The following FBLIM1 variants were observed in gnomAD, a reference collection of about 807,000 sequenced individuals.
The protein encoded by FBLIM1 is filamin binding LIM protein 1.
In FBLIM1, 29 loss-of-function variants were observed where a neutral mutation model predicts 37.4. That is an observed-to-expected ratio of 0.77 (90% CI 0.58 to 1.06). FBLIM1 has a LOEUF of 1.06. Among genes scored for constraint, FBLIM1 ranks in the 50% least tolerant of loss-of-function variants. The pLI is 0.00. For synonymous variants in FBLIM1, 193 were observed against 199.0 expected (o/e 0.97, Z 0.25); for missense variants, 449 against 505.6 (o/e 0.89, Z 1.07).
At chr1:15,783,829 G>A (rs11799513) in intron 8 of FBLIM1, among the ~76,000 whole-genome samples, 32,566 of 151,844 alleles carry the variant, frequency 0.21, 4,309 homozygotes, top group African/African-American at 0.37. Context: ...TGATCCGCCC[G>A]CCTCAGCCTC....
intron 8 of FBLIM1, among the ~76,000 whole-genome samples, chr1:15,780,087 C>T (rs990119834): frequency 4.6e-5 from 7 of 151,866 alleles, no homozygotes; most frequent in African/African-American, 1.7e-4. Flanking sequence ...GACTTCTCTA[C>T]AAAAATTTGC....
At chr1:15,775,082 T>C (rs2069432273) in intron 7 of FBLIM1, 2 of 567,706 alleles carry the variant, frequency 3.5e-6, no homozygotes, top group Non-Finnish European at 6.0e-6. Flanking sequence ...TAGCCAGGCA[T>C]GGTGGCGGGC....
rs2069761556 is a variant in FBLIM1, at chr1:15,786,110, G to C, written c.*1449G>C. On this transcript the variant is annotated 3_prime_UTR_variant, in exon 9 of 9. Transcript: ENST00000375766. ...CCTCAAGTCCTACTTGGGCCCTGCA[G>C]CCCAGCCTGTGTTGTAACCTCTGCG... 6.6e-6 allele frequency: 1 copy of C among 152,272 alleles called. No homozygotes were observed. The highest frequency in any genetic ancestry group is 1.5e-5 in the Non-Finnish European group (1 of 68,082). 9.4% of individuals were successfully genotyped at this position (152,272 alleles called of 1,614,324 possible).
At chr1:15,758,536 C>A (rs992889270), upstream of FBLIM1, 3 of 152,156 alleles carry the variant, frequency 2.0e-5, no homozygotes, top group South Asian at 4.1e-4. The surrounding 1 kb of genome is among the most constrained non-coding windows in gnomAD (Gnocchi z 6.2). Flanking sequence ...CCCATTCCCC[C>A]CCATTCCCAC....
chr1:15,776,849 CA>C (rs1394662739), intron 7 of FBLIM1, among the ~76,000 whole-genome samples: 3 of 30,598 alleles, frequency 9.8e-5, no homozygotes, highest in African/African-American at 1.4e-4. Context: ...GTGACAAGAG[CA>C]AAAAAAACTC....
intron 7 of FBLIM1, among the ~76,000 whole-genome samples, chr1:15,776,512 A>G (rs532625949): frequency 6.6e-6 from 1 of 152,060 alleles, no homozygotes; most frequent in Non-Finnish European, 1.5e-5. Flanking sequence ...GCTGGACTCA[A>G]TCCCTGCCCA....
upstream of FBLIM1, chr1:15,758,377 G>A (rs1215556527): frequency 6.6e-6 from 1 of 152,212 alleles, no homozygotes; most frequent in African/African-American, 2.4e-5. This position sits in a 1 kb window ranked among gnomAD's most constrained non-coding sequence, Gnocchi z 6.2. Flanking sequence ...TGCCAACCCA[G>A]GAGAGCGAGG....
intron 8 of FBLIM1, among the ~76,000 whole-genome samples, chr1:15,779,296 T>A (rs1283087303): frequency 6.6e-6 from 1 of 151,990 alleles, no homozygotes; most frequent in Non-Finnish European, 1.5e-5. Flanking sequence ...AAATTGTTTT[T>A]ATTAAATTTT....
intron 7 of FBLIM1, among the ~76,000 whole-genome samples, chr1:15,776,000 A>T (rs963138900): frequency 3.9e-5 from 6 of 152,160 alleles, no homozygotes; most frequent in African/African-American, 1.2e-4. Flanking sequence ...CCTTGGGGAG[A>T]AAAAGGAACA....
At chr1:15,764,367 T>C (rs1288762361) in intron 1 of FBLIM1, 129 bp from the exon 2 acceptor site, 1 of 152,764 alleles carries the variant, frequency 6.5e-6, no homozygotes, top group African/African-American at 2.4e-5. Context: ...AGTTAATGAG[T>C]ATAACATGCT....
chr1:15,768,606 C>A lies in FBLIM1; in HGVS notation c.517C>A (p.Pro173Thr). 6.2e-7 allele frequency: 1 copy of A among 1,612,106 alleles called. No homozygotes were observed. The highest frequency in any genetic ancestry group is 8.5e-7 in the Non-Finnish European group (1 of 1,179,520). Residue 173 changes from proline (P) to threonine (T), a missense_variant, in exon 5 of 9, where the codon CCT becomes ACT. Coordinates refer to ENST00000375766, the MANE Select transcript of FBLIM1 (RefSeq NM_017556.4). ...AGAGCTGCCACCTCCCCCGGCAGAA[C>A]CTGTTGAGAAAGGGGCATCCACAGG... ...EEELPPPPAE[P>T]VEKGASTDIC...
Position 15,777,091 on chromosome 1 carries a change from C to T in FBLIM1, c.891-79C>T, listed in dbSNP as rs2069516339. On this transcript the variant is annotated intron_variant, in intron 7 of 8. Transcript: ENST00000375766. ...AATTGCTCAGGAGGTGAACACCAGC[C>T]AGCCCGAGTTCTGACAGCTAATTAA... The T allele has an allele frequency of 2.6e-6, 3 of 1,162,582 alleles. No individual in the cohort carries two copies. In the Admixed American group the frequency reaches 5.9e-5, roughly 23 times the overall value. The allele number at this position is 1,162,582 out of a possible 1,614,324, so 72.0% of individuals were successfully genotyped here. A position where few individuals can be genotyped will look rare whatever the true frequency, so the allele number is the denominator to read the frequency against.
upstream of FBLIM1, among the ~76,000 whole-genome samples, chr1:15,757,321 C>G (rs1469152279): frequency 6.6e-6 from 1 of 152,188 alleles, no homozygotes; most frequent in Non-Finnish European, 1.5e-5. The surrounding 1 kb of genome is among the most constrained non-coding windows in gnomAD (Gnocchi z 4.1). Flanking sequence ...GCCATTTGCC[C>G]CTAGTGTGGC....
At chr1:15,759,471 G>A (rs2068561314) in intron 1 of FBLIM1, among the ~76,000 whole-genome samples, 1 of 152,134 alleles carries the variant, frequency 6.6e-6, no homozygotes, top group Non-Finnish European at 1.5e-5. Flanking sequence ...TGAGGACCCC[G>A]GGGAGAGGCT....
intron 1 of FBLIM1, among the ~76,000 whole-genome samples, chr1:15,760,120 G>A (rs1330464126): frequency 1.3e-5 from 2 of 151,558 alleles, no homozygotes; most frequent in Admixed American, 6.6e-5. Flanking sequence ...GCTATTCGGC[G>A]GCTGAGGCAC....
At chr1:15,760,174 G>C (rs1427250864) in intron 1 of FBLIM1, among the ~76,000 whole-genome samples, 1 of 151,950 alleles carries the variant, frequency 6.6e-6, no homozygotes, top group African/African-American at 2.4e-5. Context: ...AGTGAGCCGA[G>C]ATCGCACCAC....
At chr1:15,775,675 T>A (rs1253042064) in intron 7 of FBLIM1, among the ~76,000 whole-genome samples, 1 of 152,096 alleles carries the variant, frequency 6.6e-6, no homozygotes, top group Non-Finnish European at 1.5e-5. Flanking sequence ...AACCCCCACA[T>A]GTTCAGCCAC....
chr1:15,775,395 C>G (rs185782403), intron 7 of FBLIM1, among the ~76,000 whole-genome samples: 1 of 151,612 alleles, frequency 6.6e-6, no homozygotes, highest in East Asian at 1.9e-4. Context: ...ATTAGCTGAG[C>G]ATGGTGGTGT....
chr1:15,776,456 G>T (rs2069490286), intron 7 of FBLIM1, among the ~76,000 whole-genome samples: 1 of 152,122 alleles, frequency 6.6e-6, no homozygotes, highest in Admixed American at 6.6e-5. Flanking sequence ...AGACCTCGGG[G>T]TCTGCCCTTG....
Sources: allele counts gnomAD v4.1 joint callset (sites outside exome capture counted in the v4.1 genomes callset), GRCh38; gene constraint gnomAD v4.1.1; non-coding constraint Gnocchi (gnomAD v3.1); transcripts MANE v1.5; gene names NCBI Gene and HGNC (gene_info 2026-07-23, HGNC 2026-07-21).